The following SOX6 variants were observed in gnomAD, a reference collection of about 807,000 sequenced individuals.
SOX6 encodes transcription factor SOX-6.
In SOX6, 11 loss-of-function variants were observed where a neutral mutation model predicts 97.8. The observed-to-expected ratio is 0.11, with a 90% CI of 0.07 to 0.19. The LOEUF is 0.19. Among genes scored for constraint, SOX6 ranks in the 10% least tolerant of loss-of-function variants. SOX6 has a pLI of 1.00. For synonymous variants in SOX6, 360 were observed against 371.4 expected, an observed-to-expected ratio of 0.97 and a Z score of 0.35; for missense variants, 810 against 1,039.5, an observed-to-expected ratio of 0.78 and a Z score of 3.04.
At chr11:16,223,122 A>G (rs1349814537) in intron 4 of SOX6, among the ~76,000 whole-genome samples, 2 of 151,910 alleles carry the variant, frequency 1.3e-5, no homozygotes, top group African/African-American at 4.8e-5. Flanking sequence ...TGCACAGAAT[A>G]CTCTCCTCAG....
At chr11:16,427,139 T>C (rs1859158070) in intron 1 of SOX6, among the ~76,000 whole-genome samples, 1 of 151,826 alleles carries the variant, frequency 6.6e-6, no homozygotes, top group African/African-American at 2.4e-5. Flanking sequence ...CTAATTAAAC[T>C]AAAAAGCTTC....
chr11:16,177,610 A>G (rs1036551658), intron 6 of SOX6, among the ~76,000 whole-genome samples: 1 of 138,812 alleles, frequency 7.2e-6, no homozygotes, highest in Non-Finnish European at 1.6e-5. Context: ...AAAGGCTCTG[A>G]GAATAAGATG....
chr11:16,039,261 G>A (rs1053591378), intron 12 of SOX6, among the ~76,000 whole-genome samples: 3 of 152,108 alleles, frequency 2.0e-5, no homozygotes, highest in Non-Finnish European at 2.9e-5. Flanking sequence ...TCAAGGCAAC[G>A]TATAAACACA....
intron 2 of SOX6, 121 bp from the exon 3 acceptor site, chr11:16,318,774 T>C (rs1198343326): frequency 1.0e-5 from 7 of 684,606 alleles, no homozygotes; most frequent in Admixed American, 2.9e-5. Context: ...AATATATTAA[T>C]TAAAATAAAA....
chr11:16,687,956 T>A (rs1327674064), intron 3 of SOX6, among the ~76,000 whole-genome samples: 1 of 152,164 alleles, frequency 6.6e-6, no homozygotes, highest in Admixed American at 6.5e-5. Context: ...TTTTTTAAGT[T>A]CTTCCCTTTA....
At chr11:16,345,021 T>A (rs967593395) in intron 1 of SOX6, among the ~76,000 whole-genome samples, 1 of 152,006 alleles carries the variant, frequency 6.6e-6, no homozygotes, top group Admixed American at 6.6e-5. Flanking sequence ...ATGAAAAATT[T>A]AAATGCAATC....
intron 1 of SOX6, among the ~76,000 whole-genome samples, chr11:16,365,361 AATT>A (rs1857330952): frequency 6.6e-6 from 1 of 151,624 alleles, no homozygotes; most frequent in Admixed American, 6.6e-5. Context: ...ATAAAATAGT[AATT>A]ATTATTATCA....
At chr11:16,168,349 C>T (rs532060146) in intron 6 of SOX6, among the ~76,000 whole-genome samples, 1 of 152,116 alleles carries the variant, frequency 6.6e-6, no homozygotes, top group East Asian at 1.9e-4. Context: ...TGATATTGTT[C>T]ATTTTGGATA....
chr11:16,350,499 G>A (rs1319922236), intron 1 of SOX6, among the ~76,000 whole-genome samples: 5 of 152,032 alleles, frequency 3.3e-5, no homozygotes, highest in Admixed American at 6.6e-5. Flanking sequence ...CTTCTTATAA[G>A]CTCAGCACAA....
At chr11:16,523,325 A>C (rs2133162947) in intron 4 of SOX6, among the ~76,000 whole-genome samples, 1 of 152,338 alleles carries the variant, frequency 6.6e-6, no homozygotes, top group East Asian at 1.9e-4. Flanking sequence ...AGGATTAAGA[A>C]ACTCACTCAA....
At chr11:16,208,383 C>T (rs753391782) in intron 4 of SOX6, among the ~76,000 whole-genome samples, 1 of 152,172 alleles carries the variant, frequency 6.6e-6, no homozygotes, top group Non-Finnish European at 1.5e-5. Context: ...GTCTTTTTCA[C>T]TGTATTGGTA....
intron 2 of SOX6, among the ~76,000 whole-genome samples, chr11:16,722,175 TA>T (rs1359516405): frequency 6.6e-6 from 1 of 151,852 alleles, no homozygotes. Flanking sequence ...AGCAAAACTA[TA>T]ATAAACTTAA....
chr11:16,089,430 A>ATC (rs1214885048), intron 9 of SOX6, among the ~76,000 whole-genome samples: 2 of 152,158 alleles, frequency 1.3e-5, no homozygotes. Context: ...AGCACCTGAT[A>ATC]CATATTTAGT....
At chr11:16,520,358 T>A (rs1366054049) in intron 4 of SOX6, among the ~76,000 whole-genome samples, 3 of 152,228 alleles carry the variant, frequency 2.0e-5, no homozygotes, top group Admixed American at 2.0e-4. Context: ...TTAATCCATT[T>A]TGAGTTAATT....
chr11:16,328,426 G>A (rs961778934), intron 2 of SOX6, among the ~76,000 whole-genome samples: 2 of 152,120 alleles, frequency 1.3e-5, no homozygotes, highest in Admixed American at 6.6e-5. Context: ...AATTACCATG[G>A]ACTGGCAACT....
chr11:16,370,882 C>T (rs1213476205), intron 1 of SOX6, among the ~76,000 whole-genome samples: 2 of 152,078 alleles, frequency 1.3e-5, no homozygotes, highest in African/African-American at 4.8e-5. Context: ...TCAAAGCCAC[C>T]AAGAACTCTC....
chr11:16,054,972 T>C (rs1847777538), intron 10 of SOX6, among the ~76,000 whole-genome samples: 1 of 152,164 alleles, frequency 6.6e-6, no homozygotes, highest in Admixed American at 6.5e-5. Context: ...TGAAAATTAG[T>C]GAGAGAAGAC....
chr11:16,426,286 A>C (rs1471086889), intron 1 of SOX6, among the ~76,000 whole-genome samples: 4 of 120,560 alleles, frequency 3.3e-5, no homozygotes, highest in Non-Finnish European at 5.2e-5. Flanking sequence ...AAAAAAAAAA[A>C]AAAAAAAAAA....
intron 3 of SOX6, among the ~76,000 whole-genome samples, chr11:16,655,629 T>C (rs759790991): frequency 1.1e-4 from 17 of 152,254 alleles, no homozygotes; most frequent in Non-Finnish European, 2.1e-4. Context: ...TATCTTTGTT[T>C]AGAATATTGC....
Sources: allele counts gnomAD v4.1 joint callset (sites outside exome capture counted in the v4.1 genomes callset), GRCh38; gene constraint gnomAD v4.1.1; transcripts MANE v1.5; gene names NCBI Gene and HGNC (gene_info 2026-07-23, HGNC 2026-07-21).